The following AGBL4 variants were observed in gnomAD, a reference collection of about 807,000 sequenced individuals.
AGBL4 encodes cytosolic carboxypeptidase 6.
Under a neutral mutation model 66.4 loss-of-function variants are expected in AGBL4, and 58 were observed. The observed-to-expected ratio is 0.87, with a 90% CI of 0.71 to 1.09. The LOEUF (loss-of-function observed/expected upper bound fraction) is 1.09, where lower values mean the gene tolerates loss of function less well. Ranked by LOEUF, AGBL4 falls within the 50% of genes least tolerant of loss-of-function variation. The probability of loss-of-function intolerance (pLI) is 0.00; values close to 1 mark genes in which losing one functional copy is unlikely to be tolerated. For synonymous variants in AGBL4, 234 were observed against 222.9 expected, an observed-to-expected ratio of 1.05 and a Z score of -0.44; for missense variants, 579 against 631.0, an observed-to-expected ratio of 0.92 and a Z score of 0.88.
At chr1:50,014,247 T>C (rs954610259) in intron 1 of AGBL4, among the ~76,000 whole-genome samples, 4 of 151,926 alleles carry the variant, frequency 2.6e-5, no homozygotes, top group Admixed American at 2.6e-4. Flanking sequence ...GGCATGCACC[T>C]GTAGTCCCAG....
intron 6 of AGBL4, among the ~76,000 whole-genome samples, chr1:48,696,759 G>C (rs976242851): frequency 6.6e-6 from 1 of 152,212 alleles, no homozygotes; most frequent in Non-Finnish European, 1.5e-5. Flanking sequence ...GGAGTTTATA[G>C]AAATTACAGC....
chr1:48,859,855 C>T (rs560640180), intron 6 of AGBL4, among the ~76,000 whole-genome samples: 4 of 152,090 alleles, frequency 2.6e-5, no homozygotes, highest in Non-Finnish European at 4.4e-5. Context: ...GAATGCTCAC[C>T]GTGGTGTTAT....
chr1:48,580,597 A>G (rs915732321), intron 11 of AGBL4, among the ~76,000 whole-genome samples: 2 of 152,216 alleles, frequency 1.3e-5, no homozygotes, highest in African/African-American at 4.8e-5. Context: ...AGAATTAATT[A>G]GAGAACTTTT....
At chr1:48,553,177 G>C (rs1040234154) in intron 11 of AGBL4, among the ~76,000 whole-genome samples, 2 of 152,034 alleles carry the variant, frequency 1.3e-5, no homozygotes, top group Non-Finnish European at 2.9e-5. Context: ...ACTGACAGTT[G>C]ACCGTGGCTC....
At chr1:49,789,721 G>A (rs1644547651) in intron 2 of AGBL4, among the ~76,000 whole-genome samples, 1 of 152,182 alleles carries the variant, frequency 6.6e-6, no homozygotes, top group African/African-American at 2.4e-5. Context: ...CTCATGGATA[G>A]GAACAATCAG....
chr1:49,505,546 T>A (rs1426565961), intron 3 of AGBL4, among the ~76,000 whole-genome samples: 1 of 152,050 alleles, frequency 6.6e-6, no homozygotes, highest in Non-Finnish European at 1.5e-5. Context: ...TTTGAATATA[T>A]CATCCTACTC....
chr1:49,219,506 C>T (rs948845827), intron 4 of AGBL4, among the ~76,000 whole-genome samples: 4 of 152,038 alleles, frequency 2.6e-5, no homozygotes, highest in South Asian at 4.1e-4. Context: ...CTATATGGTG[C>T]AACCTATTTA....
intron 3 of AGBL4, among the ~76,000 whole-genome samples, chr1:49,642,614 A>C (rs1645805094): frequency 6.6e-6 from 1 of 152,020 alleles, no homozygotes; most frequent in African/African-American, 2.4e-5. Flanking sequence ...AAAAAGGATT[A>C]AAAGGAACAA....
At chr1:49,897,933 C>T (rs1002060767) in intron 1 of AGBL4, among the ~76,000 whole-genome samples, 2 of 151,750 alleles carry the variant, frequency 1.3e-5, no homozygotes, top group African/African-American at 4.8e-5. Flanking sequence ...AAACTATACA[C>T]CTCTTTTTTT....
intron 4 of AGBL4, among the ~76,000 whole-genome samples, chr1:49,107,889 C>T (rs1298564738): frequency 2.0e-5 from 3 of 152,170 alleles, no homozygotes; most frequent in African/African-American, 7.2e-5. Context: ...CCCCAACCCA[C>T]AGAAACCTCT....
chr1:49,559,827 CCT>C (rs1482642723), intron 3 of AGBL4, among the ~76,000 whole-genome samples: 2 of 152,082 alleles, frequency 1.3e-5, no homozygotes. Flanking sequence ...CTTCCTTGCT[CCT>C]CAGCTTGCAG....
At chr1:48,621,010 G>A (rs1478677171) in intron 9 of AGBL4, among the ~76,000 whole-genome samples, 2 of 152,132 alleles carry the variant, frequency 1.3e-5, no homozygotes, top group Non-Finnish European at 2.9e-5. Flanking sequence ...TAAAGAGTCT[G>A]TCTCCAGTCC....
chr1:48,685,191 T>G (rs770872173), intron 6 of AGBL4, among the ~76,000 whole-genome samples: 5 of 152,222 alleles, frequency 3.3e-5, no homozygotes, highest in Non-Finnish European at 5.9e-5. Flanking sequence ...TTTGAATCAG[T>G]CAAATGAGAC....
Position 48,893,577 on chromosome 1 carries a change from C to T in AGBL4, c.595-26347G>A, listed in dbSNP as rs950470184. 4.6e-5 allele frequency among the ~76,000 whole-genome samples: 7 copies of T among 151,916 alleles called. No individual in the cohort carries two copies. The East Asian group carries it at 5.8e-4, about 13-fold the overall frequency. On this transcript the variant is annotated intron_variant, in intron 5 of 13. Transcript: ENST00000371839. ...GTGGGCTCCTGTAGTCCCAGCTACT[C>T]GGGAGGCTGAGGCAGGAGAATGGTG...
chr1:49,966,966 C>T lies in AGBL4; in HGVS notation c.34+56797G>A, dbSNP rs188705153. Among the ~76,000 whole-genome samples, 6 of 152,144 alleles carry T rather than the reference C, an allele frequency of 3.9e-5. No homozygotes were observed. The East Asian group carries it at 7.8e-4, about 20-fold the overall frequency. ...TGTGAATAGTGCTGCAATAAATATA[C>T]GTGTGCATGTGTCTTTATAGTAGAA... On this transcript the variant is annotated intron_variant, in intron 1 of 13. Coordinates refer to ENST00000371839, the MANE Select transcript of AGBL4 (RefSeq NM_032785.4).
chr1:48,742,652 TGACAGGC>T, intron 6 of AGBL4: 1 of 1,605,266 alleles, frequency 6.2e-7, no homozygotes, highest in Non-Finnish European at 8.5e-7. Context: ...TACTTGTCCA[TGACAGGC>T]GCAGGAGCGG....
At chr1:48,587,199 C>A (rs560086601) in intron 10 of AGBL4, 33 bp from the exon 11 acceptor site, 9 of 1,522,246 alleles carry the variant, frequency 5.9e-6, no homozygotes, top group Non-Finnish European at 8.0e-6. Context: ...GAGAGAATCA[C>A]GGCACCTGCT....
intron 5 of AGBL4, among the ~76,000 whole-genome samples, chr1:48,885,162 A>C (rs1650198594): frequency 6.6e-6 from 1 of 152,176 alleles, no homozygotes; most frequent in Non-Finnish European, 1.5e-5. Context: ...ACAGCTAAAT[A>C]TGATTTATAT....
At chr1:49,916,908 G>C (rs1651579403) in intron 1 of AGBL4, among the ~76,000 whole-genome samples, 1 of 152,208 alleles carries the variant, frequency 6.6e-6, no homozygotes, top group Admixed American at 6.5e-5. Flanking sequence ...CTACAAGCCA[G>C]AAGAGAGTGG....
Sources: allele counts gnomAD v4.1 joint callset (sites outside exome capture counted in the v4.1 genomes callset), GRCh38; gene constraint gnomAD v4.1.1; transcripts MANE v1.5; gene names NCBI Gene and HGNC (gene_info 2026-07-23, HGNC 2026-07-21).